The following XPOT variants were observed in gnomAD, a reference collection of about 807,000 sequenced individuals.
XPOT encodes the protein exportin for tRNA.
A neutral mutation model predicts 128.2 loss-of-function variants in XPOT; 34 were observed. The observed-to-expected ratio is 0.27, with a 90% CI of 0.20 to 0.35. The LOEUF (loss-of-function observed/expected upper bound fraction) is 0.35, where lower values mean the gene tolerates loss of function less well. Ranked by LOEUF, XPOT falls within the 10% of genes least tolerant of loss-of-function variation. XPOT has a pLI of 1.00. For synonymous variants in XPOT, 348 were observed against 394.3 expected, an observed-to-expected ratio of 0.88 and a Z score of 1.39; for missense variants, 838 against 1,125.3, an observed-to-expected ratio of 0.74 and a Z score of 3.65.
chr12:64,443,928 T>C (rs113887440), intron 23 of XPOT, among the ~76,000 whole-genome samples: 3,756 of 152,288 alleles, frequency 0.025, 179 homozygotes, highest in African/African-American at 0.086. Context: ...GATATGTAAA[T>C]AAACTCATAT....
At position 64,424,531 on chromosome 12, in the gene XPOT, G is replaced by A. The variant is rs577329542; in HGVS notation, c.1183-68G>A. 164 of 1,577,726 alleles carry A rather than the reference G, an allele frequency of 1.0e-4. No homozygotes were observed. In the East Asian group the frequency reaches 3.1e-3, roughly 30 times the overall value. The stretch of plus-strand genomic sequence containing the variant: ...GGTTTGTTACATAGGTATACATGTA[G>A]CCATGGTGGTTTGCTGCGCCGATCA... On this transcript the variant is annotated intron_variant, in intron 11 of 24. Transcript: ENST00000332707.
rs763602722 is a variant in XPOT at position 64,434,627 on chromosome 12, A to G, written c.2569+4A>G. 6.2e-7 allele frequency: 1 copy of G among 1,608,628 alleles called. No individual in the cohort carries two copies. The highest frequency in any genetic ancestry group is 2.2e-5 in the East Asian group (1 of 44,810). On this transcript the variant is annotated splice_donor_region_variant and intron_variant, in intron 20 of 24. Coordinates refer to ENST00000332707, the MANE Select transcript of XPOT (RefSeq NM_007235.6). Reference sequence around the variant, plus strand: ...TCAAAGTTGGTAGAACTCTGGGGTAAGATAATTTTATTTCTTAACCTTCAT... The same window carrying G: ...TCAAAGTTGGTAGAACTCTGGGGTAGGATAATTTTATTTCTTAACCTTCAT...
Position 64,448,223 on chromosome 12 carries a change from TC to T in XPOT, c.*93del. ...TGTGTGCCATTCACACTGGTCTTTTTCACATTGTTTTGAGCTTATTGCAGTA... is the reference window on the plus strand; with the variant it reads ...TGTGTGCCATTCACACTGGTCTTTTTACATTGTTTTGAGCTTATTGCAGTA... On this transcript the variant is annotated 3_prime_UTR_variant, in exon 25 of 25. Transcript: ENST00000332707. 7.9e-7 allele frequency: 1 copy of T among 1,270,282 alleles called. No individual in the cohort carries two copies. Among genetic ancestry groups the T allele is most frequent in the South Asian group, 1.2e-5 (1 of 84,010 alleles). The allele number at this position is 1,270,282 out of a possible 1,614,324, so 78.7% of individuals were successfully genotyped here.
chr12:64,405,560 T>TC (rs1469055735), intron 1 of XPOT, among the ~76,000 whole-genome samples: 17 of 152,346 alleles, frequency 1.1e-4, no homozygotes, highest in Non-Finnish European at 1.6e-4. Flanking sequence ...TTGCTTGCCT[T>TC]CCCCCAAGAA....
Position 64,423,046 on chromosome 12 carries a change from A to G in XPOT, c.1119+3A>G, listed in dbSNP as rs2040154425. On this transcript the variant is annotated splice_donor_region_variant and intron_variant, in intron 10 of 24. Transcript: ENST00000332707. Reference sequence around the variant, plus strand: ...ATCAGCAAAAAGCTAATGTAGAGGTAATTGACTTTATGCTTCTTTTAAACC... The same window carrying G: ...ATCAGCAAAAAGCTAATGTAGAGGTGATTGACTTTATGCTTCTTTTAAACC... 6.2e-7 allele frequency: 1 copy of G among 1,613,194 alleles called. No homozygotes were observed. The highest frequency in any genetic ancestry group is 1.7e-5 in the Admixed American group (1 of 59,884).
intron 23 of XPOT, among the ~76,000 whole-genome samples, chr12:64,441,488 G>A (rs1419643827): frequency 6.6e-6 from 1 of 152,024 alleles, no homozygotes; most frequent in Non-Finnish European, 1.5e-5. Context: ...CTGGAAGTGT[G>A]GTACATCCAG....
intron 1 of XPOT, among the ~76,000 whole-genome samples, chr12:64,406,949 C>A (rs2039989452): frequency 6.6e-6 from 1 of 152,146 alleles, no homozygotes; most frequent in Admixed American, 6.5e-5. Context: ...GTATTGAGGG[C>A]TCACTATGTG....
intron 22 of XPOT, among the ~76,000 whole-genome samples, chr12:64,436,894 G>A (rs2040287077): frequency 6.6e-6 from 1 of 152,184 alleles, no homozygotes; most frequent in Non-Finnish European, 1.5e-5. Context: ...GTAAATAACT[G>A]GAATTGGTTG....
chr12:64,439,769 A>G (rs2040310443), intron 23 of XPOT, among the ~76,000 whole-genome samples: 2 of 152,234 alleles, frequency 1.3e-5, no homozygotes, highest in South Asian at 4.1e-4. Context: ...TTTTAAGGAA[A>G]GTGTCTGGAA....
chr12:64,433,304 T>C (rs2040254519), intron 18 of XPOT, 110 bp from the exon 19 acceptor site: 1 of 999,930 alleles, frequency 1.0e-6, no homozygotes, highest in Non-Finnish European at 1.4e-6. Flanking sequence ...AACTGAATTA[T>C]GTACGCATGC....
chr12:64,423,399 T>G (rs1392294510), intron 11 of XPOT, among the ~76,000 whole-genome samples, 155 bp downstream of exon 11: 3 of 152,170 alleles, frequency 2.0e-5, no homozygotes, highest in Admixed American at 1.3e-4. Flanking sequence ...GTGAAATTAA[T>G]AGAAGCCTCT....
chr12:64,425,898 C>T lies in XPOT; in HGVS notation c.1656C>T (p.Val552=), dbSNP rs1469679365. ...SRTAYLFSRF[V]KSLNKQMNPF... is the part of the protein sequence containing the mutation. ...CGGCTTACCTGTTTTCTAGATTTGT[C>T]AAATCTCTCAAGTAAGTATAAAATT... Residue 552 remains valine (V), a synonymous_variant, in exon 15 of 25, where the codon GTC becomes GTT. Coordinates refer to ENST00000332707, the MANE Select transcript of XPOT (RefSeq NM_007235.6). 1.9e-6 allele frequency: 3 copies of T among 1,613,660 alleles called. No homozygotes were observed. Among genetic ancestry groups the T allele is most frequent in the South Asian group, 2.2e-5 (2 of 91,076 alleles).
intron 1 of XPOT, 69 bp from the exon 2 acceptor site, chr12:64,409,893 C>A: frequency 3.1e-6 from 2 of 647,668 alleles, no homozygotes; most frequent in South Asian, 3.9e-5. Context: ...TATCCATTTA[C>A]GTTATTCAGG....
intron 8 of XPOT, among the ~76,000 whole-genome samples, chr12:64,420,967 A>T (rs968719239): frequency 1.3e-5 from 2 of 151,882 alleles, no homozygotes; most frequent in African/African-American, 4.8e-5. Flanking sequence ...CACCCGGCAA[A>T]TTTTTTACCT....
Position 64,414,969 on chromosome 12 carries a change from T to G in XPOT, c.123T>G (p.Ala41=). ...SPDAWQVCAE[A]LAQRTYSDDH... is the part of the protein sequence containing the mutation. Reference sequence around the variant, plus strand: ...ATGCCTGGCAGGTGTGTGCAGAAGCTCTAGCCCAGAGGACATACAGGTAAT... The same window carrying G: ...ATGCCTGGCAGGTGTGTGCAGAAGCGCTAGCCCAGAGGACATACAGGTAAT... Residue 41 remains alanine, a synonymous_variant, in exon 3 of 25, where the codon GCT becomes GCG. Coordinates refer to ENST00000332707, the MANE Select transcript of XPOT (RefSeq NM_007235.6). 2 of 1,613,114 alleles carry G rather than the reference T, an allele frequency of 1.2e-6. No homozygotes were observed. Among genetic ancestry groups the G allele is most frequent in the Non-Finnish European group, 1.7e-6 (2 of 1,179,282 alleles).
intron 2 of XPOT, among the ~76,000 whole-genome samples, chr12:64,412,428 C>G (rs2136012526): frequency 6.6e-6 from 1 of 152,244 alleles, no homozygotes; most frequent in Non-Finnish European, 1.5e-5. Context: ...ACCACCTCTC[C>G]CCTCTTTTGT....
chr12:64,404,542 C>G lies in XPOT; in HGVS notation c.-337C>G, dbSNP rs1476810632. On this transcript the variant is annotated 5_prime_UTR_variant, in exon 1 of 25. Coordinates refer to ENST00000332707, the MANE Select transcript of XPOT (RefSeq NM_007235.6). ...TCTTTCCCTTCCTGGGGCGCCGACCCCGCCCGCTTGCTTGCTTGCTTGCTT... is the reference window on the plus strand; with the variant it reads ...TCTTTCCCTTCCTGGGGCGCCGACCGCGCCCGCTTGCTTGCTTGCTTGCTT... 6.5e-6 allele frequency: 1 copy of G among 154,864 alleles called. No individual in the cohort carries two copies. Among genetic ancestry groups the G allele is most frequent in the African/African-American group, 2.4e-5 (1 of 41,440 alleles). 9.6% of individuals were successfully genotyped at this position (154,864 alleles called of 1,614,324 possible).
intron 22 of XPOT, among the ~76,000 whole-genome samples, chr12:64,436,920 C>T (rs1425874827): frequency 6.6e-6 from 1 of 152,174 alleles, no homozygotes; most frequent in Non-Finnish European, 1.5e-5. Context: ...ATTTAAAAAT[C>T]TCAAATACTT....
At chr12:64,430,372 T>A in intron 17 of XPOT, 85 bp downstream of exon 17, 1 of 1,099,832 alleles carries the variant, frequency 9.1e-7, no homozygotes, top group South Asian at 1.8e-5. Context: ...ACATTTGTGT[T>A]TCCACAGTTG....
Sources: allele counts gnomAD v4.1 joint callset (sites outside exome capture counted in the v4.1 genomes callset), GRCh38; gene constraint gnomAD v4.1.1; transcripts MANE v1.5; gene names NCBI Gene and HGNC (gene_info 2026-07-23, HGNC 2026-07-21).